The following NEGR1 variants were observed in gnomAD, a reference collection of about 807,000 sequenced individuals.
NEGR1 encodes the protein IgLON family member 4.
A neutral mutation model predicts 40.9 loss-of-function variants in NEGR1; 10 were observed. The observed-to-expected ratio is 0.24, with a 90% CI of 0.15 to 0.42. NEGR1 has a LOEUF of 0.42. Among genes scored for constraint, NEGR1 ranks in the 10% least tolerant of loss-of-function variants. NEGR1 has a pLI of 1.00. For synonymous variants in NEGR1, 185 were observed against 166.8 expected (o/e 1.11, Z -0.84); for missense variants, 352 against 438.9 (o/e 0.80, Z 1.77).
intron 1 of NEGR1, among the ~76,000 whole-genome samples, chr1:71,974,319 T>G (rs1345820726): frequency 6.6e-6 from 1 of 152,230 alleles, no homozygotes; most frequent in East Asian, 1.9e-4. Flanking sequence ...CACATTAATA[T>G]GTATTCTTAT....
chr1:71,800,316 T>C (rs1259308269), intron 2 of NEGR1, among the ~76,000 whole-genome samples: 3 of 152,230 alleles, frequency 2.0e-5, no homozygotes, highest in Non-Finnish European at 4.4e-5. Flanking sequence ...ACTCTCATGA[T>C]AGTTTCTTTT....
chr1:71,699,764 C>T (rs935960852), intron 3 of NEGR1, among the ~76,000 whole-genome samples: 1 of 151,766 alleles, frequency 6.6e-6, no homozygotes, highest in Admixed American at 6.6e-5. Flanking sequence ...ATTGTATCTC[C>T]CAGAATTCTC....
intron 6 of NEGR1, among the ~76,000 whole-genome samples, chr1:71,410,886 T>A (rs1169211377): frequency 6.6e-6 from 1 of 152,168 alleles, no homozygotes; most frequent in Non-Finnish European, 1.5e-5. Flanking sequence ...TGTTAGCTAT[T>A]AGAAATTAGC....
At chr1:71,696,694 G>A (rs1653485021) in intron 4 of NEGR1, among the ~76,000 whole-genome samples, 1 of 151,792 alleles carries the variant, frequency 6.6e-6, no homozygotes, top group Admixed American at 6.6e-5. Flanking sequence ...GGGATGAGCA[G>A]TAGCTCTCTG....
intron 6 of NEGR1, among the ~76,000 whole-genome samples, chr1:71,465,714 G>A (rs903191293): frequency 5.3e-5 from 8 of 151,968 alleles, no homozygotes; most frequent in African/African-American, 1.9e-4. Flanking sequence ...CACTTGGTGA[G>A]TAAACTGAAA....
chr1:72,210,816 G>A (rs978051523), intron 1 of NEGR1, among the ~76,000 whole-genome samples: 6 of 151,730 alleles, frequency 4.0e-5, no homozygotes, highest in Admixed American at 1.3e-4. Flanking sequence ...ATAAACCAAC[G>A]TATTTTAATA....
intron 3 of NEGR1, among the ~76,000 whole-genome samples, chr1:71,758,609 G>A (rs1053094397): frequency 2.0e-5 from 3 of 152,012 alleles, no homozygotes; most frequent in African/African-American, 7.2e-5. Context: ...TTTAAAATGA[G>A]CTGTTGCACA....
At chr1:71,732,569 T>C (rs1047681785) in intron 3 of NEGR1, among the ~76,000 whole-genome samples, 2 of 151,832 alleles carry the variant, frequency 1.3e-5, no homozygotes, top group Non-Finnish European at 2.9e-5. Context: ...GTGTTGACAT[T>C]GATAAGATGC....
intron 3 of NEGR1, among the ~76,000 whole-genome samples, chr1:71,774,203 A>G (rs1180498088): frequency 6.6e-6 from 1 of 152,204 alleles, no homozygotes; most frequent in Non-Finnish European, 1.5e-5. Context: ...CAGCTAAGAG[A>G]TGTGCACAAG....
At chr1:71,609,315 A>G (rs12744231) in intron 5 of NEGR1, among the ~76,000 whole-genome samples, 79,291 of 150,770 alleles carry the variant, frequency 0.53, 22,732 homozygotes, top group Non-Finnish European at 0.66. Flanking sequence ...GGAGATCAAG[A>G]CCATCCTAGC....
At chr1:71,705,044 A>G (rs1379920225) in intron 3 of NEGR1, among the ~76,000 whole-genome samples, 1 of 150,446 alleles carries the variant, frequency 6.6e-6, no homozygotes, top group Non-Finnish European at 1.5e-5. Context: ...ATTCATTGAA[A>G]AATTCAGCAT....
rs1359181013 is a variant in NEGR1 at position 71,403,104 on chromosome 1, T to G, written c.*4342A>C. The G allele has an allele frequency of 5.9e-5, 9 of 152,116 alleles. No individual in the cohort carries two copies. The highest frequency in any genetic ancestry group is 2.2e-4 in the African/African-American group (9 of 41,450). 9.4% of individuals were successfully genotyped at this position (152,116 alleles called of 1,614,324 possible). Reference sequence around the variant, plus strand: ...TGCTTTGTTGTTTTATCTATCACATTGTTCTCATTTATTCAGTTGACTATC... The same window carrying G: ...TGCTTTGTTGTTTTATCTATCACATGGTTCTCATTTATTCAGTTGACTATC... On this transcript the variant is annotated 3_prime_UTR_variant, in exon 7 of 7. Coordinates refer to ENST00000357731, the MANE Select transcript of NEGR1 (RefSeq NM_173808.3).
chr1:71,845,898 T>C (rs1659390652), intron 2 of NEGR1, among the ~76,000 whole-genome samples: 1 of 148,420 alleles, frequency 6.7e-6, no homozygotes, highest in East Asian at 2.0e-4. Flanking sequence ...TAGCTAGGAC[T>C]ACAAGGGCAT....
chr1:71,534,553 A>AT (rs1217536881), intron 6 of NEGR1, among the ~76,000 whole-genome samples: 1 of 151,720 alleles, frequency 6.6e-6, no homozygotes, highest in Non-Finnish European at 1.5e-5. Context: ...AATTAATTGC[A>AT]TAACAAGCTA....
chr1:72,217,208 C>G (rs892767850), intron 1 of NEGR1, among the ~76,000 whole-genome samples: 3 of 151,516 alleles, frequency 2.0e-5, no homozygotes, highest in African/African-American at 7.3e-5. Context: ...TTAATACAGC[C>G]CTTTGTTTAT....
At chr1:71,871,390 G>A (rs1476475523) in intron 2 of NEGR1, among the ~76,000 whole-genome samples, 4 of 152,060 alleles carry the variant, frequency 2.6e-5, no homozygotes, top group African/African-American at 7.2e-5. Flanking sequence ...AATGTTTCAG[G>A]ATAATATTGT....
At chr1:71,943,150 T>A (rs1645986408) in intron 1 of NEGR1, among the ~76,000 whole-genome samples, 1 of 142,600 alleles carries the variant, frequency 7.0e-6, no homozygotes. Flanking sequence ...TATATATATA[T>A]AAAACAAACT....
chr1:71,953,200 T>C (rs2768385), intron 1 of NEGR1, among the ~76,000 whole-genome samples: 5,557 of 152,088 alleles, frequency 0.037, 336 homozygotes, highest in African/African-American at 0.13. Context: ...GTGATTTCTC[T>C]GACGGATATG....
At chr1:71,857,329 A>C (rs1234697008) in intron 2 of NEGR1, among the ~76,000 whole-genome samples, 1 of 151,686 alleles carries the variant, frequency 6.6e-6, no homozygotes, top group African/African-American at 2.4e-5. Context: ...GACCACAAAC[A>C]GGCCAGGCAC....
Sources: gnomAD v4.1 joint callset for allele counts (sites outside exome capture counted in the v4.1 genomes callset) on GRCh38, gnomAD v4.1.1 for gene constraint, MANE v1.5 for transcripts, NCBI Gene and HGNC (gene_info 2026-07-23, HGNC 2026-07-21) for gene names.